Variants in RYR2 observed in about 807,000 individuals in gnomAD.
RYR2 encodes the protein cardiac muscle ryanodine receptor-calcium release channel.
Under a neutral mutation model 601.1 loss-of-function variants are expected in RYR2, and 227 were observed. The ratio of observed to expected loss-of-function variants is 0.38; its 90% CI spans 0.34 to 0.42. The LOEUF (loss-of-function observed/expected upper bound fraction) is 0.42, where lower values mean the gene tolerates loss of function less well. Ranked by LOEUF, RYR2 falls within the 10% of genes least tolerant of loss-of-function variation. RYR2 has a pLI of 1.00. For missense variants in RYR2, 4,646 were observed against 6,156.5 expected (o/e 0.75, Z 8.21); for synonymous variants, 2,223 against 2,175.1 (o/e 1.02, Z -0.61).
chr1:237,228,077 G>A (rs562686185), intron 1 of RYR2, among the ~76,000 whole-genome samples: 33 of 151,890 alleles, frequency 2.2e-4, no homozygotes, highest in African/African-American at 7.5e-4. Flanking sequence ...CCCATCACCC[G>A]AGCAACATAC....
chr1:237,674,639 G>A, intron 59 of RYR2, 92 bp from the exon 60 acceptor site: 1 of 666,218 alleles, frequency 1.5e-6, no homozygotes. Context: ...ATATATGTAT[G>A]TATATACACA....
rs149995552 is a variant in RYR2, at chr1:237,324,696, C to T, written c.169-6182C>T. 5.6e-3 allele frequency among the ~76,000 whole-genome samples: 851 copies of T among 152,236 alleles called. 5 individuals carry two copies. Among genetic ancestry groups the T allele is most frequent in the Non-Finnish European group, 9.2e-3 (626 of 68,012 alleles). On this transcript the variant is annotated intron_variant, in intron 2 of 104. Coordinates refer to ENST00000366574, the MANE Select transcript of RYR2 (RefSeq NM_001035.3). ...ACTTCATAGGCAGGGAAGCTCAGCC[C>T]GACTCCCCTGAGGTATCTTGGCTAG...
chr1:237,605,737 ATG>A (rs1023948397), intron 35 of RYR2, among the ~76,000 whole-genome samples: 3 of 152,116 alleles, frequency 2.0e-5, no homozygotes, highest in African/African-American at 7.2e-5. Flanking sequence ...TACAAAATCA[ATG>A]TGCAAAAATC....
At chr1:237,528,439 C>CCCAT (rs1326074270) in intron 24 of RYR2, among the ~76,000 whole-genome samples, 1 of 152,064 alleles carries the variant, frequency 6.6e-6, no homozygotes, top group Non-Finnish European at 1.5e-5. Context: ...ACATATCAGC[C>CCCAT]ATGGATAAGG....
chr1:237,346,764 T>C (rs1355402548), intron 3 of RYR2, among the ~76,000 whole-genome samples: 4 of 152,224 alleles, frequency 2.6e-5, no homozygotes, highest in Admixed American at 6.5e-5. Flanking sequence ...ATTACACTTA[T>C]GGTAAATTTC....
intron 1 of RYR2, among the ~76,000 whole-genome samples, chr1:237,258,793 A>G (rs1339468345): frequency 6.6e-6 from 1 of 152,158 alleles, no homozygotes; most frequent in Non-Finnish European, 1.5e-5. Context: ...GCGTTAATTT[A>G]GAGTTTATTG....
chr1:237,119,294 A>G (rs534031225), intron 1 of RYR2, among the ~76,000 whole-genome samples: 11 of 152,320 alleles, frequency 7.2e-5, no homozygotes. Context: ...CCAACACTTC[A>G]TCTCAGATGT....
intron 1 of RYR2, among the ~76,000 whole-genome samples, chr1:237,248,264 T>TCC (rs1388917229): frequency 1.7e-4 from 1 of 5,868 alleles, no homozygotes; most frequent in Admixed American, 2.7e-3. Flanking sequence ...AGAGCAAGAC[T>TCC]CCACCCCCCG....
At chr1:237,704,750 A>C (rs1017546093) in intron 66 of RYR2, among the ~76,000 whole-genome samples, 2 of 152,110 alleles carry the variant, frequency 1.3e-5, no homozygotes, top group East Asian at 3.8e-4. Context: ...AAAAAATTCA[A>C]AGGTAAGGAA....
chr1:237,738,738 C>T (rs1303324991), intron 79 of RYR2, among the ~76,000 whole-genome samples: 1 of 151,880 alleles, frequency 6.6e-6, no homozygotes, highest in African/African-American at 2.4e-5. Context: ...CAGAGCTTAT[C>T]CATTTACCTT....
chr1:237,630,602 C>A (rs10159353), intron 41 of RYR2, among the ~76,000 whole-genome samples: 112,766 of 152,060 alleles, frequency 0.74, 42,952 homozygotes, highest in Non-Finnish European at 0.82. Context: ...GCTGTATGTT[C>A]TATTCTTGCT....
intron 1 of RYR2, among the ~76,000 whole-genome samples, chr1:237,147,213 T>C (rs2148791782): frequency 6.6e-6 from 1 of 150,840 alleles, no homozygotes; most frequent in East Asian, 1.9e-4. Context: ...AATCTTTCTT[T>C]TTAATTGACA....
At chr1:237,547,288 G>A (rs1354880450) in intron 25 of RYR2, among the ~76,000 whole-genome samples, 7 of 152,102 alleles carry the variant, frequency 4.6e-5, no homozygotes, top group Non-Finnish European at 7.3e-5. Flanking sequence ...TTACAGGTGT[G>A]AGCCACTGTG....
chr1:237,289,498 G>A (rs1423052398), intron 2 of RYR2, among the ~76,000 whole-genome samples: 2 of 152,164 alleles, frequency 1.3e-5, no homozygotes, highest in African/African-American at 4.8e-5. Context: ...TTCTTCACAT[G>A]ATGGCAGCAA....
chr1:237,744,377 C>T (rs1425009559), intron 80 of RYR2, among the ~76,000 whole-genome samples: 4 of 144,568 alleles, frequency 2.8e-5, no homozygotes, highest in Non-Finnish European at 1.5e-5. Context: ...TTTAGGTGGC[C>T]AGGTGCAGAG....
chr1:237,402,144 A>G (rs1359511532), intron 10 of RYR2, among the ~76,000 whole-genome samples: 1 of 152,132 alleles, frequency 6.6e-6, no homozygotes, highest in Admixed American at 6.5e-5. Flanking sequence ...CTATAATCTC[A>G]ACACTTTGGG....
At chr1:237,351,530 T>C (rs1698839064) in intron 3 of RYR2, among the ~76,000 whole-genome samples, 1 of 151,816 alleles carries the variant, frequency 6.6e-6, no homozygotes, top group Non-Finnish European at 1.5e-5. Flanking sequence ...CTCCAAACAA[T>C]GAAAAGATAA....
chr1:237,371,984 C>T (rs528181175), intron 6 of RYR2, among the ~76,000 whole-genome samples: 167 of 152,144 alleles, frequency 1.1e-3, no homozygotes, highest in Non-Finnish European at 2.0e-3. Context: ...CAACATGGCA[C>T]ATGGCACATG....
intron 1 of RYR2, among the ~76,000 whole-genome samples, chr1:237,115,240 C>T (rs995533281): frequency 9.2e-5 from 14 of 152,196 alleles, no homozygotes; most frequent in Admixed American, 2.0e-4. Context: ...AACCACACCC[C>T]CCCCCTTGCT....
Sources: gnomAD v4.1 joint callset for allele counts (sites outside exome capture counted in the v4.1 genomes callset) on GRCh38, gnomAD v4.1.1 for gene constraint, MANE v1.5 for transcripts, NCBI Gene and HGNC (gene_info 2026-07-23, HGNC 2026-07-21) for gene names.